The following PLCE1 variants were observed in gnomAD, a reference collection of about 807,000 sequenced individuals.
PLCE1 encodes the protein phospholipase C epsilon 1, also known as 1-phosphatidylinositol 4,5-bisphosphate phosphodiesterase epsilon-1.
In PLCE1, 119 loss-of-function variants were observed where a neutral mutation model predicts 242.8. That is an observed-to-expected ratio of 0.49 (90% CI 0.42 to 0.57). The LOEUF is 0.57. Among genes scored for constraint, PLCE1 ranks in the 20% least tolerant of loss-of-function variants. PLCE1 has a pLI of 0.00. For missense variants in PLCE1, 2,441 were observed against 2,788.8 expected (o/e 0.88, Z 2.81); for synonymous variants, 945 against 1,017.4 (o/e 0.93, Z 1.35).
chr10:94,097,444 G>A (rs1261082559), intron 2 of PLCE1, among the ~76,000 whole-genome samples: 1 of 152,074 alleles, frequency 6.6e-6, no homozygotes, highest in Non-Finnish European at 1.5e-5. Flanking sequence ...TATTTACTGT[G>A]CACCCACAAC....
In PLCE1 at chr10:94,304,175, A is replaced by G. The variant is rs147674909; in HGVS notation, c.5459-307A>G. Among the ~76,000 whole-genome samples the G allele has an allele frequency of 7.9e-5, 12 of 152,304 alleles. No individual in the cohort carries two copies. In the East Asian group the frequency reaches 2.3e-3, roughly 29 times the overall value. The stretch of plus-strand genomic sequence containing the variant: ...AAGATTTTTCAGACAGATGTAGCAA[A>G]TATTTGCAAAGGAGTTTTTAAGTGA... On this transcript the variant is annotated intron_variant, in intron 24 of 32. Transcript: ENST00000371380.
chr10:94,053,999 G>A (rs1467266931), intron 2 of PLCE1, among the ~76,000 whole-genome samples: 1 of 152,156 alleles, frequency 6.6e-6, no homozygotes, highest in Non-Finnish European at 1.5e-5. Flanking sequence ...CAGTAAGAGT[G>A]TCAGTAGAAA....
intron 4 of PLCE1, among the ~76,000 whole-genome samples, chr10:94,175,186 T>G (rs2048093198): frequency 6.6e-6 from 1 of 152,218 alleles, no homozygotes; most frequent in Non-Finnish European, 1.5e-5. Flanking sequence ...TGTTAAATTA[T>G]CAGGTTCAAG....
At chr10:94,305,156 C>T (rs774145394) in intron 25 of PLCE1, among the ~76,000 whole-genome samples, 2 of 152,150 alleles carry the variant, frequency 1.3e-5, no homozygotes. Flanking sequence ...TGGCCAGGTG[C>T]GGTGGCTCAC....
chr10:94,094,165 T>G (rs1487338295), intron 2 of PLCE1, among the ~76,000 whole-genome samples: 1 of 148,588 alleles, frequency 6.7e-6, no homozygotes, highest in Non-Finnish European at 1.5e-5. Flanking sequence ...ATGGTCTCGA[T>G]CTCCTGACCT....
At chr10:94,255,914 A>ACTCTCTCT (rs111704161) in intron 11 of PLCE1, among the ~76,000 whole-genome samples, 93 of 67,304 alleles carry the variant, frequency 1.4e-3, no homozygotes, top group East Asian at 3.3e-3. Context: ...ACACACACAC[A>ACTCTCTCT]CTCTCTCTCT....
chr10:94,153,452 A>T (rs1237913026), intron 3 of PLCE1, among the ~76,000 whole-genome samples: 1 of 152,190 alleles, frequency 6.6e-6, no homozygotes, highest in Non-Finnish European at 1.5e-5. Context: ...TGCAAAACCC[A>T]CAGCTGACAT....
intron 4 of PLCE1, among the ~76,000 whole-genome samples, chr10:94,197,881 G>T (rs931536530): frequency 1.3e-5 from 2 of 149,698 alleles, no homozygotes; most frequent in Admixed American, 6.8e-5. Context: ...TACGTGGGAG[G>T]CTAAGGCAGG....
In PLCE1 at chr10:94,088,990, T is replaced by G. The variant is rs142447326; in HGVS notation, c.1207-43184T>G. 1,125 of 1,290,004 alleles carry G rather than the reference T, an allele frequency of 8.7e-4. 6 individuals are homozygous for G. In the African/African-American group the frequency reaches 0.013, roughly 15 times the overall value. 79.9% of individuals were successfully genotyped at this position (1,290,004 alleles called of 1,614,324 possible). On this transcript the variant is annotated intron_variant, in intron 2 of 32. Coordinates refer to ENST00000371380, the MANE Select transcript of PLCE1 (RefSeq NM_016341.4). Reference sequence around the variant, plus strand: ...GCAGCCCTCCCTCGATTCTGGGTATTACATCATTTCATTTCAGCTAATGTA... The same window carrying G: ...GCAGCCCTCCCTCGATTCTGGGTATGACATCATTTCATTTCAGCTAATGTA...
chr10:94,063,576 C>G (rs536637738), intron 2 of PLCE1, among the ~76,000 whole-genome samples: 58 of 152,272 alleles, frequency 3.8e-4, no homozygotes, highest in African/African-American at 1.4e-3. Context: ...TTTTCTTGTC[C>G]TTATTTATTG....
intron 19 of PLCE1, chr10:94,279,334 T>C (rs890562596): frequency 5.1e-4 from 94 of 184,128 alleles, no homozygotes; most frequent in Admixed American, 7.2e-4. Flanking sequence ...TCTTTGTCCA[T>C]AGGGATTCTA....
At position 94,171,410 on chromosome 10, in the gene PLCE1, C is replaced by G. The variant is rs756796071; in HGVS notation, c.1723C>G (p.Leu575Val). The stretch of plus-strand genomic sequence containing the variant: ...TGAATGCCAGAGCTCCTTGCCCTGC[C>G]TCAAAGCATCCATCTCAGCGTCGAT... ...TPECQSSLPC[L>V]KASISASILT... Residue 575 changes from leucine to valine, a missense_variant, in exon 4 of 33, where the codon CTC (leucine) becomes GTC (valine). Transcript: ENST00000371380. 1 of 1,614,204 alleles carries G rather than the reference C, an allele frequency of 6.2e-7. No individual in the cohort carries two copies. The highest frequency in any genetic ancestry group is 8.5e-7 in the Non-Finnish European group (1 of 1,180,014).
At chr10:94,038,539 G>C (rs1998708) in intron 2 of PLCE1, among the ~76,000 whole-genome samples, 48,969 of 151,858 alleles carry the variant, frequency 0.32, 8,631 homozygotes, top group African/African-American at 0.47. Flanking sequence ...TCTTATTTAG[G>C]CCATCACTCC....
intron 4 of PLCE1, among the ~76,000 whole-genome samples, chr10:94,218,254 T>C (rs1306022801): frequency 1.3e-5 from 2 of 152,182 alleles, no homozygotes; most frequent in Admixed American, 1.3e-4. Context: ...CACTAGGTTT[T>C]TATAGTATGT....
chr10:94,189,807 C>T (rs1297331685), intron 4 of PLCE1, among the ~76,000 whole-genome samples: 3 of 152,122 alleles, frequency 2.0e-5, no homozygotes, highest in Non-Finnish European at 4.4e-5. Context: ...AGTGGAGCAC[C>T]CATGACATCA....
rs114054251 is a variant in PLCE1, at chr10:94,090,836, T to C, written c.1207-41338T>C. ...AATCTAGCATTTTAACCATTGTATT[T>C]TCTTTTAGTGGGATGGCTAATAGTA... On this transcript the variant is annotated intron_variant, in intron 2 of 32. Transcript: ENST00000371380. Among the ~76,000 whole-genome samples the C allele has an allele frequency of 9.4e-3, 1,428 of 152,296 alleles. 19 individuals carry two copies. Among genetic ancestry groups the C allele is most frequent in the African/African-American group, 0.032 (1,347 of 41,544 alleles).
chr10:94,089,956 T>C (rs1053559075), intron 2 of PLCE1, among the ~76,000 whole-genome samples: 3 of 152,220 alleles, frequency 2.0e-5, no homozygotes, highest in Middle Eastern at 3.2e-3. Context: ...TAAAATGAGC[T>C]ACATGTTTTT....
intron 2 of PLCE1, among the ~76,000 whole-genome samples, chr10:94,075,546 C>A (rs556978987): frequency 5.3e-5 from 8 of 152,298 alleles, no homozygotes; most frequent in Middle Eastern, 3.4e-3. Flanking sequence ...GCATTCTGTT[C>A]TTTACAGTAA....
At position 94,171,327 on chromosome 10, in the gene PLCE1, A is replaced by G; in HGVS notation, c.1640A>G (p.Tyr547Cys). The G allele has an allele frequency of 1.2e-6, 2 of 1,614,152 alleles. No individual in the cohort carries two copies. The highest frequency in any genetic ancestry group is 1.7e-6 in the Non-Finnish European group (2 of 1,180,016). ...CTGATGGAGCAAGAGCAGACTATTT[A>G]CCGCAGGGTCTTGCCAGTCGACTAC... ...SILMEQEQTI[Y>C]RRVLPVDYLC... Residue 547 changes from tyrosine (Y) to cysteine (C), a missense_variant, in exon 4 of 33, where the codon TAC becomes TGC. Physicochemically the swap from Tyr to Cys is radical, Grantham distance 194. Transcript: ENST00000371380.
Sources: gnomAD v4.1 joint callset for allele counts (sites outside exome capture counted in the v4.1 genomes callset) on GRCh38, gnomAD v4.1.1 for gene constraint, MANE v1.5 for transcripts, NCBI Gene and HGNC (gene_info 2026-07-23, HGNC 2026-07-21) for gene names.